Variants in DDX27 observed in about 807,000 individuals in gnomAD.
DDX27 encodes DEAD-box helicase 27.
In DDX27, 42 loss-of-function variants were observed where a neutral mutation model predicts 99.3. The observed-to-expected ratio is 0.42, with a 90% CI of 0.33 to 0.55. The LOEUF is 0.55. Among genes scored for constraint, DDX27 ranks in the 20% least tolerant of loss-of-function variants. DDX27 has a pLI of 0.07. For missense variants in DDX27, 798 were observed against 976.8 expected, an observed-to-expected ratio of 0.82 and a Z score of 2.44; for synonymous variants, 329 against 353.8, an observed-to-expected ratio of 0.93 and a Z score of 0.79.
intron 4 of DDX27, 87 bp downstream of exon 4, chr20:49,223,520 T>C: frequency 1.5e-6 from 2 of 1,294,436 alleles, no homozygotes; most frequent in Non-Finnish European, 2.1e-6. Context: ...TCCACTCTTC[T>C]GCACAGTTTA....
In DDX27 at chr20:49,235,312, C is replaced by T. The variant is rs150951908; in HGVS notation, c.1427+224C>T. 1.6e-5 allele frequency: 7 copies of T among 442,540 alleles called. No homozygotes were observed. The Admixed American group carries it at 2.9e-4, about 18-fold the overall frequency. The allele number at this position is 442,540 out of a possible 1,614,324, so 27.4% of individuals were successfully genotyped here. On this transcript the variant is annotated intron_variant, in intron 12 of 20. Coordinates refer to ENST00000618172, the MANE Select transcript of DDX27 (RefSeq NM_017895.8). ...GACCCTCATGTCCTTGGATGCTTGT[C>T]CCTAGCATGGGAGCTGTTGTGTGGC...
chr20:49,229,945 C>T (rs1011787818), intron 8 of DDX27, among the ~76,000 whole-genome samples: 3 of 152,208 alleles, frequency 2.0e-5, no homozygotes, highest in Admixed American at 2.0e-4. Context: ...CCACCTCGCC[C>T]AGCCCATGCA....
intron 16 of DDX27, 72 bp downstream of exon 16, chr20:49,239,410 G>C: frequency 1.8e-6 from 2 of 1,119,968 alleles, no homozygotes; most frequent in Admixed American, 4.9e-5. Flanking sequence ...CCATTTCCTA[G>C]TTCTATACTG....
chr20:49,225,656 C>T (rs937106295), intron 6 of DDX27, among the ~76,000 whole-genome samples: 5 of 151,930 alleles, frequency 3.3e-5, no homozygotes, highest in African/African-American at 7.3e-5. Context: ...GGGGTTTCAC[C>T]GTGTTAGCCA....
Position 49,219,427 on chromosome 20 carries a change from C to T in DDX27, c.-22C>T, listed in dbSNP as rs1190414284. 2.5e-6 allele frequency: 4 copies of T among 1,613,864 alleles called. No homozygotes were observed. The highest frequency in any genetic ancestry group is 3.4e-6 in the Non-Finnish European group (4 of 1,179,798). Reference sequence around the variant, plus strand: ...CCGGACCGCAGGCTGTGCTCGCTTCCGGAAGTGGCTTCTGCGACAACATGC... The same window carrying T: ...CCGGACCGCAGGCTGTGCTCGCTTCTGGAAGTGGCTTCTGCGACAACATGC... On this transcript the variant is annotated 5_prime_UTR_variant, in exon 1 of 21. Coordinates refer to ENST00000618172, the MANE Select transcript of DDX27 (RefSeq NM_017895.8).
chr20:49,243,714 C>T lies in DDX27; in HGVS notation c.2279+11C>T. ...TAAATCTAAATCCAGGTGATACTGG[C>T]TGTTTTGGAGGGGCATAGGTTTTGG... On this transcript the variant is annotated intron_variant, in intron 20 of 20. Coordinates refer to ENST00000618172, the MANE Select transcript of DDX27 (RefSeq NM_017895.8). 6.2e-7 allele frequency: 1 copy of T among 1,614,056 alleles called. No individual in the cohort carries two copies. Among genetic ancestry groups the T allele is most frequent in the Non-Finnish European group, 8.5e-7 (1 of 1,179,938 alleles).
chr20:49,235,246 G>T, intron 12 of DDX27, 158 bp downstream of exon 12: 1 of 767,174 alleles, frequency 1.3e-6, no homozygotes, highest in Non-Finnish European at 1.9e-6. Flanking sequence ...GTGAGGTCAT[G>T]TCTTAGATGT....
chr20:49,225,893 T>C (rs1192977194), intron 6 of DDX27, among the ~76,000 whole-genome samples: 1 of 152,166 alleles, frequency 6.6e-6, no homozygotes, highest in African/African-American at 2.4e-5. Context: ...TGGCCCTCTC[T>C]GACGACACCT....
In DDX27 at chr20:49,228,903, A is replaced by C; in HGVS notation, c.880+15A>C. 1 of 1,571,978 alleles carries C rather than the reference A, an allele frequency of 6.4e-7. No homozygotes were observed. Among genetic ancestry groups the C allele is most frequent in the South Asian group, 1.1e-5 (1 of 87,720 alleles). ...CCTGGCTGTGGGTGAGTTTCTGGCC[A>C]AGGGCTGCCAGCCCCTGAGAGACTG... On this transcript the variant is annotated intron_variant, in intron 8 of 20. Transcript: ENST00000618172.
Position 49,224,937 on chromosome 20 carries a change from C to T in DDX27, c.467-8C>T, listed in dbSNP as rs1979823428. 2.5e-6 allele frequency: 4 copies of T among 1,614,000 alleles called. No homozygotes were observed. Among genetic ancestry groups the T allele is most frequent in the Non-Finnish European group, 2.5e-6 (3 of 1,180,024 alleles). On this transcript the variant is annotated splice_region_variant and splice_polypyrimidine_tract_variant and intron_variant, in intron 4 of 20. Transcript: ENST00000618172. ...AGCCGTGGTCATCAGCTAAGTTTTT[C>T]TCCATAGATACACTCAAAGTAAAGG... is the stretch of plus-strand genomic sequence containing the variant.
chr20:49,236,646 C>A lies in DDX27; in HGVS notation c.1687+136C>A. On this transcript the variant is annotated intron_variant, in intron 14 of 20. Transcript: ENST00000618172. The surrounding 1 kb of genome is among the most constrained non-coding windows in gnomAD (Gnocchi z 4.1). ...GCCCTGCTGCTTCCTTGCCGAGTGA[C>A]CATGTGCAGGTTTCACCTCACCTCT... 6.8e-6 allele frequency: 6 copies of A among 885,190 alleles called. No individual in the cohort carries two copies. The highest frequency in any genetic ancestry group is 9.4e-6 in the Non-Finnish European group (6 of 638,548). The allele number at this position is 885,190 out of a possible 1,614,324, so 54.8% of individuals were successfully genotyped here.
At chr20:49,219,710 T>A (rs899284825) in intron 1 of DDX27, among the ~76,000 whole-genome samples, 169 bp downstream of exon 1, 4 of 152,184 alleles carry the variant, frequency 2.6e-5, no homozygotes, top group African/African-American at 9.7e-5. Flanking sequence ...CACTAGGTTA[T>A]CTCTACGTCC....
At position 49,233,305 on chromosome 20, in the gene DDX27, G is replaced by T. The variant is rs140153362; in HGVS notation, c.1032-1G>T. ...TCTGCCATGTCTTTCTCTGCTCCCA[G>T]GATGCTGGATGAGTACTTTGAGGAG... On this transcript the variant is annotated splice_acceptor_variant, in intron 9 of 20. Coordinates refer to ENST00000618172, the MANE Select transcript of DDX27 (RefSeq NM_017895.8). LOFTEE classifies it high-confidence loss of function. 1 of 1,613,182 alleles carries T rather than the reference G, an allele frequency of 6.2e-7. No homozygotes were observed. Among genetic ancestry groups the T allele is most frequent in the Non-Finnish European group, 8.5e-7 (1 of 1,179,444 alleles).
Position 49,226,390 on chromosome 20 carries a change from C to T in DDX27, c.601-40C>T. ...CCTGTTTGTGTTGTGCTGAGACTTC[C>T]CCCGCTCAACCCTGTCTGACCCAGT... is the stretch of plus-strand genomic sequence containing the variant. On this transcript the variant is annotated intron_variant, in intron 6 of 20. Coordinates refer to ENST00000618172, the MANE Select transcript of DDX27 (RefSeq NM_017895.8). The T allele has an allele frequency of 3.9e-6, 6 of 1,544,302 alleles. No homozygotes were observed. In the South Asian group the frequency reaches 5.7e-5, roughly 15 times the overall value.
At position 49,228,594 on chromosome 20, in the gene DDX27, A is replaced by T. The variant is rs1452384228; in HGVS notation, c.707-121A>T. 3.9e-6 allele frequency: 4 copies of T among 1,033,902 alleles called. No individual in the cohort carries two copies. In the Admixed American group the frequency reaches 1.0e-4, roughly 27 times the overall value. The allele number at this position is 1,033,902 out of a possible 1,614,324, so 64.0% of individuals were successfully genotyped here. ...GATTTGAAAGCAGAAAAAATATTCT[A>T]TGAAAAATAAGTTCCTTTATTTTCC... On this transcript the variant is annotated intron_variant, in intron 7 of 20. Transcript: ENST00000618172.
In DDX27 at chr20:49,234,842, A is replaced by G. The variant is rs1980251521; in HGVS notation, c.1274-93A>G. ...GGACAGTGCCTGTCTATCCAGTGCC[A>G]GGCACAGTGACCATACTTTGTGGAT... On this transcript the variant is annotated intron_variant, in intron 11 of 20. Transcript: ENST00000618172. 7.6e-6 allele frequency: 11 copies of G among 1,438,068 alleles called. No individual in the cohort carries two copies. In the East Asian group the frequency reaches 2.6e-4, roughly 34 times the overall value. The allele number at this position is 1,438,068 out of a possible 1,614,324, so 89.1% of individuals were successfully genotyped here. A position where few individuals can be genotyped will look rare whatever the true frequency, so the allele number is the denominator to read the frequency against.
intron 8 of DDX27, 68 bp downstream of exon 8, chr20:49,228,956 G>A (rs1185245859): frequency 2.8e-6 from 4 of 1,408,582 alleles, no homozygotes; most frequent in Non-Finnish European, 3.8e-6. Flanking sequence ...GATGTGCCCC[G>A]CCATCTGTTG....
In DDX27 at chr20:49,225,110, T is replaced by C. The variant is rs1226662093; in HGVS notation, c.514-3T>C. 1 of 1,613,888 alleles carries C rather than the reference T, an allele frequency of 6.2e-7. No individual in the cohort carries two copies. Among genetic ancestry groups the C allele is most frequent in the South Asian group, 1.1e-5 (1 of 91,084 alleles). On this transcript the variant is annotated splice_region_variant and splice_polypyrimidine_tract_variant and intron_variant, in intron 5 of 20. Transcript: ENST00000618172. ...TCTTCTCTCTTTTGGTTTTCTGGTG[T>C]AGGAAGCAGGAGGATTTTTTGAAGA...
At chr20:49,222,280 C>T (rs1979715445) in intron 2 of DDX27, among the ~76,000 whole-genome samples, 1 of 149,348 alleles carries the variant, frequency 6.7e-6, no homozygotes, top group Admixed American at 6.7e-5. Context: ...TTACAGGTGC[C>T]CACCACCACG....
Sources: allele counts gnomAD v4.1 joint callset (sites outside exome capture counted in the v4.1 genomes callset), GRCh38; gene constraint gnomAD v4.1.1; non-coding constraint Gnocchi (gnomAD v3.1); transcripts MANE v1.5; gene names NCBI Gene and HGNC (gene_info 2026-07-23, HGNC 2026-07-21).